The following PRKCH variants were observed in gnomAD, a reference collection of about 807,000 sequenced individuals.
PRKCH encodes the protein protein kinase C eta.
A neutral mutation model predicts 82.5 loss-of-function variants in PRKCH; 28 were observed. That is an observed-to-expected ratio of 0.34 (90% confidence interval 0.25 to 0.47). PRKCH has a LOEUF of 0.47. Among genes scored for constraint, PRKCH ranks in the 20% least tolerant of loss-of-function variants. The pLI is 1.00. For synonymous variants in PRKCH, 322 were observed against 327.4 expected (o/e 0.98, Z 0.18); for missense variants, 705 against 881.8 (o/e 0.80, Z 2.54).
chr14:61,362,918 C>A (rs181713070), intron 1 of PRKCH, among the ~76,000 whole-genome samples: 6 of 152,284 alleles, frequency 3.9e-5, no homozygotes, highest in African/African-American at 1.4e-4. Context: ...GCTGGGAGAT[C>A]ATAGAAAACA....
intron 9 of PRKCH, among the ~76,000 whole-genome samples, chr14:61,471,863 G>T (rs889873671): frequency 1.3e-5 from 2 of 152,084 alleles, no homozygotes; most frequent in Admixed American, 1.3e-4. Flanking sequence ...TCCCTTACAT[G>T]ACTGTCAGGT....
intron 1 of PRKCH, among the ~76,000 whole-genome samples, chr14:61,308,266 T>C (rs1338258218): frequency 6.6e-6 from 1 of 152,260 alleles, no homozygotes; most frequent in African/African-American, 2.4e-5. Context: ...CGTGGAAATA[T>C]AGATGCTAGA....
At chr14:61,548,107 G>A (rs79723025) in intron 13 of PRKCH, among the ~76,000 whole-genome samples, 6,142 of 152,232 alleles carry the variant, frequency 0.04, 175 homozygotes, top group Admixed American at 0.098. Context: ...TTCACCCCTC[G>A]TTTACCCAAT....
intron 2 of PRKCH, among the ~76,000 whole-genome samples, chr14:61,413,582 T>C (rs1016428210): frequency 1.3e-5 from 2 of 152,084 alleles, no homozygotes; most frequent in African/African-American, 4.8e-5. Context: ...TTGTCATTGC[T>C]TTTGCTAAAG....
rs369961774 is a variant in PRKCH, at chr14:61,309,968, C to T, written c.-19+122300C>T. Reference sequence around the variant, plus strand: ...AGAGAGTGCAAAAGGGAAAGAACCCCTTATAAAACCATCAGATCTCATGAG... The same window carrying T: ...AGAGAGTGCAAAAGGGAAAGAACCCTTTATAAAACCATCAGATCTCATGAG... On this transcript the variant is annotated intron_variant, in intron 1 of 3. Transcript: ENST00000555185. 2.6e-5 allele frequency among the ~76,000 whole-genome samples: 4 copies of T among 152,058 alleles called. No individual in the cohort carries two copies. The East Asian group carries it at 5.8e-4, about 22-fold the overall frequency.
intron 2 of PRKCH, among the ~76,000 whole-genome samples, chr14:61,431,363 G>A (rs1210925627): frequency 6.6e-6 from 1 of 152,160 alleles, no homozygotes; most frequent in Non-Finnish European, 1.5e-5. Context: ...GTCGGACAGG[G>A]TCCTCGGATC....
intron 1 of PRKCH, among the ~76,000 whole-genome samples, chr14:61,340,209 G>A (rs1221776569): frequency 6.6e-6 from 1 of 152,098 alleles, no homozygotes; most frequent in Non-Finnish European, 1.5e-5. Flanking sequence ...GAGTGACAGT[G>A]TAGTCAGGTC....
At chr14:61,448,937 G>A (rs1884356252) in intron 4 of PRKCH, among the ~76,000 whole-genome samples, 2 of 152,132 alleles carry the variant, frequency 1.3e-5, no homozygotes, top group South Asian at 4.2e-4. Context: ...ATAAAGTCAG[G>A]AAGGAAGAAA....
At chr14:61,450,656 A>G (rs1210529658) in intron 5 of PRKCH, among the ~76,000 whole-genome samples, 186 bp from the exon 6 acceptor site, 1 of 152,214 alleles carries the variant, frequency 6.6e-6, no homozygotes, top group Non-Finnish European at 1.5e-5. Context: ...TGTCCTGTTC[A>G]TTAGAAAATG....
intron 1 of PRKCH, among the ~76,000 whole-genome samples, chr14:61,359,630 A>C (rs2046197207): frequency 6.6e-6 from 1 of 152,196 alleles, no homozygotes; most frequent in African/African-American, 2.4e-5. Context: ...TGAGATGTAA[A>C]CTAGACTGAC....
intron 1 of PRKCH, among the ~76,000 whole-genome samples, chr14:61,375,266 C>T (rs1003996641): frequency 2.0e-5 from 3 of 152,048 alleles, no homozygotes; most frequent in East Asian, 1.9e-4. Context: ...TTGTCCATAT[C>T]GCTATCAGCA....
intron 1 of PRKCH, among the ~76,000 whole-genome samples, chr14:61,229,698 G>A (rs963093730): frequency 7.6e-4 from 115 of 152,276 alleles, no homozygotes; most frequent in African/African-American, 2.7e-3. Flanking sequence ...TTATTTTGAG[G>A]CACTGATGTG....
intron 1 of PRKCH, among the ~76,000 whole-genome samples, chr14:61,199,674 G>C (rs1444717479): frequency 2.0e-5 from 3 of 151,962 alleles, no homozygotes; most frequent in Admixed American, 1.3e-4. Flanking sequence ...AAATGCCACA[G>C]TCAATGTAGG....
At chr14:61,364,250 G>A (rs2046270125) in intron 1 of PRKCH, among the ~76,000 whole-genome samples, 1 of 151,748 alleles carries the variant, frequency 6.6e-6, no homozygotes, top group Non-Finnish European at 1.5e-5. Context: ...TAGCAGGCAA[G>A]ATAGAATGGG....
rs1032709937 is a variant in PRKCH, at chr14:61,547,861, T to C, written c.1880T>C (p.Ile627Thr). 9.9e-6 allele frequency: 16 copies of C among 1,613,924 alleles called. No homozygotes were observed. The highest frequency in any genetic ancestry group is 2.2e-5 in the East Asian group (1 of 44,880). ...TGGGCCCAGCTGAACCATCGCCAAA[T>C]AGAACCGCCTTTCAGACCCAGAATC... is the stretch of plus-strand genomic sequence containing the variant. Reference protein sequence around the residue: ...IDWAQLNHRQIEPPFRPRIKS... With the variant: ...IDWAQLNHRQTEPPFRPRIKS... Residue 627 changes from isoleucine to threonine, a missense_variant, in exon 13 of 14, where the codon ATA becomes ACA. Physicochemically the swap from Ile to Thr is moderately conservative, Grantham distance 89. Around this residue, in one of 5 missense-constraint regions of PRKCH, gnomAD observed 91 missense variants for 81.2 expected, o/e 1.12. Coordinates refer to ENST00000332981, the MANE Select transcript of PRKCH (RefSeq NM_006255.5).
intron 1 of PRKCH, among the ~76,000 whole-genome samples, chr14:61,388,244 A>G (rs2046619727): frequency 6.6e-6 from 1 of 152,146 alleles, no homozygotes; most frequent in African/African-American, 2.4e-5. Flanking sequence ...TGCAGTTTGT[A>G]AAACCCTGTT....
chr14:61,511,998 A>G (rs1438628796), intron 10 of PRKCH, among the ~76,000 whole-genome samples: 1 of 152,086 alleles, frequency 6.6e-6, no homozygotes, highest in Non-Finnish European at 1.5e-5. Context: ...CTTTCAAATA[A>G]TTCATGTTTT....
At chr14:61,428,205 C>T (rs933775445) in intron 2 of PRKCH, among the ~76,000 whole-genome samples, 1 of 151,600 alleles carries the variant, frequency 6.6e-6, no homozygotes. Context: ...CACCATGTTA[C>T]CCAGACTGGT....
At chr14:61,428,865 G>C (rs2140256242) in intron 2 of PRKCH, among the ~76,000 whole-genome samples, 1 of 152,228 alleles carries the variant, frequency 6.6e-6, no homozygotes, top group South Asian at 2.1e-4. Context: ...CCTGTAGCTA[G>C]CTTTTACTCT....
Sources: allele counts gnomAD v4.1 joint callset (sites outside exome capture counted in the v4.1 genomes callset), GRCh38; gene constraint gnomAD v4.1.1; regional missense constraint gnomAD v4.1.1; transcripts MANE v1.5; gene names NCBI Gene and HGNC (gene_info 2026-07-23, HGNC 2026-07-21).